The following RIMS4 variants were observed in gnomAD, a reference collection of about 807,000 sequenced individuals.
RIMS4 encodes the protein regulating synaptic membrane exocytosis 4.
In RIMS4, 9 loss-of-function variants were observed where a neutral mutation model predicts 29.0. That is an observed-to-expected ratio of 0.31 (90% confidence interval 0.19 to 0.54). The LOEUF (loss-of-function observed/expected upper bound fraction) is 0.54, where lower values mean the gene tolerates loss of function less well. Ranked by LOEUF, RIMS4 falls within the 20% of genes least tolerant of loss-of-function variation. RIMS4 has a pLI of 0.94. For synonymous variants in RIMS4, 130 were observed against 152.9 expected (o/e 0.85, Z 1.10); for missense variants, 193 against 365.7 (o/e 0.53, Z 3.85).
intron 2 of RIMS4, among the ~76,000 whole-genome samples, chr20:44,761,412 T>C (rs1022873865): frequency 2.0e-5 from 3 of 152,152 alleles, no homozygotes; most frequent in African/African-American, 7.2e-5. Flanking sequence ...TTTCTGGCTG[T>C]GAGAATTCTG....
Position 44,756,028 on chromosome 20 carries a change from G to A in RIMS4, c.*106C>T. 1 of 903,998 alleles carries A rather than the reference G, an allele frequency of 1.1e-6. No homozygotes were observed. The highest frequency in any genetic ancestry group is 1.7e-6 in the Non-Finnish European group (1 of 578,878). The allele number at this position is 903,998 out of a possible 1,614,324, so 56.0% of individuals were successfully genotyped here. A position where few individuals can be genotyped will look rare whatever the true frequency, so the allele number is the denominator to read the frequency against. On this transcript the variant is annotated 3_prime_UTR_variant, in exon 6 of 6. Transcript: ENST00000372851. The surrounding 1 kb of genome is among the most constrained non-coding windows in gnomAD (Gnocchi z 5.9). ...TCTCCCCGTTCTGCTTCCCCACTGT[G>A]GGGGAGAGCCCCGTCCTCCTGTTCA... is the stretch of plus-strand genomic sequence containing the variant.
At chr20:44,758,760 A>G (rs950401412) in intron 2 of RIMS4, among the ~76,000 whole-genome samples, 1 of 152,170 alleles carries the variant, frequency 6.6e-6, no homozygotes, top group Admixed American at 6.5e-5. Flanking sequence ...TCAGCCAACA[A>G]GAATCAGGCC....
intron 1 of RIMS4, among the ~76,000 whole-genome samples, chr20:44,804,239 G>A (rs2066288626): frequency 1.3e-5 from 2 of 152,212 alleles, no homozygotes; most frequent in Admixed American, 6.5e-5. Context: ...GGCCAAGCAA[G>A]CCCATCAATC....
At position 44,756,433 on chromosome 20, in the gene RIMS4, C is replaced by G; in HGVS notation, c.592-81G>C. The G allele has an allele frequency of 8.8e-7, 1 of 1,138,926 alleles. No homozygotes were observed. Among genetic ancestry groups the G allele is most frequent in the Middle Eastern group, 2.0e-4 (1 of 5,022 alleles). 70.6% of individuals were successfully genotyped at this position (1,138,926 alleles called of 1,614,324 possible). A position where few individuals can be genotyped will look rare whatever the true frequency, so the allele number is the denominator to read the frequency against. On this transcript the variant is annotated intron_variant, in intron 5 of 5. Transcript: ENST00000372851. This position sits in a 1 kb window ranked among gnomAD's most constrained non-coding sequence, Gnocchi z 5.9. ...GAAGCAGAACCTGGGTCGCCCCATGCCCAATCCAGCTCAGTCCTGTGATTT... is the reference window on the plus strand; with the variant it reads ...GAAGCAGAACCTGGGTCGCCCCATGGCCAATCCAGCTCAGTCCTGTGATTT...
chr20:44,801,230 T>C (rs1208518946), intron 1 of RIMS4, among the ~76,000 whole-genome samples: 8 of 152,174 alleles, frequency 5.3e-5, no homozygotes, highest in Non-Finnish European at 8.8e-5. Flanking sequence ...TTCCCATCAG[T>C]TTAGGACAAG....
At chr20:44,773,879 T>A (rs1373029142) in intron 1 of RIMS4, among the ~76,000 whole-genome samples, 1 of 152,160 alleles carries the variant, frequency 6.6e-6, no homozygotes, top group East Asian at 1.9e-4. Context: ...GTTGAGAGGC[T>A]TAAATGACAG....
In RIMS4 at chr20:44,759,408, C is replaced by T. The variant is rs1288323950; in HGVS notation, c.237-1224G>A. Reference sequence around the variant, plus strand: ...AAGTAGCTGGGAATACAGACGTGTACCACCACGCCCGGCCAATTTTTGTGT... The same window carrying T: ...AAGTAGCTGGGAATACAGACGTGTATCACCACGCCCGGCCAATTTTTGTGT... On this transcript the variant is annotated intron_variant, in intron 2 of 5. Coordinates refer to ENST00000372851, the MANE Select transcript of RIMS4 (RefSeq NM_182970.4). Among the ~76,000 whole-genome samples the T allele has an allele frequency of 2.0e-5, 3 of 152,146 alleles. No homozygotes were observed. In the East Asian group the frequency reaches 5.8e-4, roughly 29 times the overall value.
chr20:44,763,945 C>CCTAT (rs2066096953), intron 2 of RIMS4, among the ~76,000 whole-genome samples: 1 of 151,966 alleles, frequency 6.6e-6, no homozygotes, highest in Non-Finnish European at 1.5e-5. Context: ...TACATGCTCA[C>CCTAT]CTATCCATCC....
rs1464044106 is a variant in RIMS4 at position 44,810,526 on chromosome 20, G to C, written c.-255C>G. Among the ~76,000 whole-genome samples the C allele has an allele frequency of 1.4e-5, 2 of 145,600 alleles. No individual in the cohort carries two copies. Among genetic ancestry groups the C allele is most frequent in the Non-Finnish European group, 3.0e-5 (2 of 65,610 alleles). The stretch of plus-strand genomic sequence containing the variant: ...CGGCGGCGGCGGCGGTGGCGGCGGC[G>C]GTGGCGGCGCAGCGCGCTCTGGTCC... On this transcript the variant is annotated 5_prime_UTR_variant, in exon 1 of 6. Coordinates refer to ENST00000372851, the MANE Select transcript of RIMS4 (RefSeq NM_182970.4).
intron 1 of RIMS4, among the ~76,000 whole-genome samples, chr20:44,786,106 C>T (rs2066207395): frequency 6.6e-6 from 1 of 152,242 alleles, no homozygotes. Flanking sequence ...AAACCTGCTG[C>T]CCTACAGCCC....
At position 44,756,824 on chromosome 20, in the gene RIMS4, C is replaced by T; in HGVS notation, c.591+74G>A. The T allele has an allele frequency of 2.1e-6, 3 of 1,451,362 alleles. No individual in the cohort carries two copies. Among genetic ancestry groups the T allele is most frequent in the Non-Finnish European group, 1.8e-6 (2 of 1,084,498 alleles). 89.9% of individuals were successfully genotyped at this position (1,451,362 alleles called of 1,614,324 possible). On this transcript the variant is annotated intron_variant, in intron 5 of 5. Coordinates refer to ENST00000372851, the MANE Select transcript of RIMS4 (RefSeq NM_182970.4). This position sits in a 1 kb window ranked among gnomAD's most constrained non-coding sequence, Gnocchi z 5.9. ...CCAGAGACACCCCCCGCCAGGGGTGCCCTCCTCTCATTCTGGTACTGTGCA... is the reference window on the plus strand; with the variant it reads ...CCAGAGACACCCCCCGCCAGGGGTGTCCTCCTCTCATTCTGGTACTGTGCA...
intron 1 of RIMS4, among the ~76,000 whole-genome samples, chr20:44,808,975 T>C (rs1192788701): frequency 6.6e-6 from 1 of 152,146 alleles, no homozygotes; most frequent in Non-Finnish European, 1.5e-5. Flanking sequence ...ATGAAACCAT[T>C]TTGCTCCTCA....
intron 1 of RIMS4, among the ~76,000 whole-genome samples, chr20:44,788,669 A>G (rs1358628584): frequency 6.6e-6 from 1 of 152,088 alleles, no homozygotes; most frequent in Non-Finnish European, 1.5e-5. Flanking sequence ...GCTACTTGGG[A>G]GGCTGAGGTT....
At chr20:44,769,867 C>T (rs1288982202) in intron 2 of RIMS4, among the ~76,000 whole-genome samples, 2 of 152,226 alleles carry the variant, frequency 1.3e-5, no homozygotes, top group African/African-American at 2.4e-5. Context: ...AGCCCCACCT[C>T]TCAGTGGCTG....
At chr20:44,804,444 G>A (rs373331567) in intron 1 of RIMS4, among the ~76,000 whole-genome samples, 17 of 152,192 alleles carry the variant, frequency 1.1e-4, no homozygotes, top group African/African-American at 4.1e-4. Context: ...GGTTTATAGT[G>A]GGGGAGATAC....
chr20:44,771,562 C>T, intron 1 of RIMS4, 149 bp from the exon 2 acceptor site: 2 of 704,410 alleles, frequency 2.8e-6, no homozygotes, highest in East Asian at 5.5e-5. Flanking sequence ...CCTCAGACTC[C>T]TGGCCTCACC....
Position 44,810,163 on chromosome 20 carries a change from C to T in RIMS4, c.97+12G>A. The T allele has an allele frequency of 1.9e-6, 3 of 1,566,228 alleles. No individual in the cohort carries two copies. The highest frequency in any genetic ancestry group is 2.6e-6 in the Non-Finnish European group (3 of 1,149,690). On this transcript the variant is annotated intron_variant, in intron 1 of 5. Coordinates refer to ENST00000372851, the MANE Select transcript of RIMS4 (RefSeq NM_182970.4). ...ACACCCCGGGGGTCTGGGGGGCGGG[C>T]CGCGCGCTTACCTGCGTCCTCGTCG...
intron 1 of RIMS4, among the ~76,000 whole-genome samples, chr20:44,795,492 T>G (rs2066250923): frequency 6.6e-6 from 1 of 151,722 alleles, no homozygotes; most frequent in South Asian, 2.1e-4. Context: ...ATTAGCCAGG[T>G]GTGATGGCGG....
At chr20:44,810,060 G>C (rs1036767323) in intron 1 of RIMS4, 115 bp downstream of exon 1, 2 of 462,278 alleles carry the variant, frequency 4.3e-6, no homozygotes, top group African/African-American at 4.2e-5. Flanking sequence ...GAGACCCTGG[G>C]GGCGCCTTCC....
Sources: allele counts gnomAD v4.1 joint callset (sites outside exome capture counted in the v4.1 genomes callset), GRCh38; gene constraint gnomAD v4.1.1; non-coding constraint Gnocchi (gnomAD v3.1); transcripts MANE v1.5; gene names NCBI Gene and HGNC (gene_info 2026-07-23, HGNC 2026-07-21).